The following TTC7B variants were observed in gnomAD, a reference collection of about 807,000 sequenced individuals.
TTC7B encodes tetratricopeptide repeat domain 7B.
A neutral mutation model predicts 106.8 loss-of-function variants in TTC7B; 28 were observed. That is an observed-to-expected ratio of 0.26 (90% confidence interval 0.19 to 0.36). TTC7B has a LOEUF of 0.36. Among genes scored for constraint, TTC7B ranks in the 10% least tolerant of loss-of-function variants. The pLI, the probability that TTC7B is intolerant of heterozygous loss-of-function variation, is 1.00. For synonymous variants in TTC7B, 405 were observed against 430.6 expected (o/e 0.94, Z 0.74); for missense variants, 862 against 1,076.4 (o/e 0.80, Z 2.79).
At position 90,808,155 on chromosome 14, in the gene TTC7B, G is replaced by T. The variant is rs1402084576; in HGVS notation, c.121+8020C>A. 6.6e-6 allele frequency among the ~76,000 whole-genome samples: 1 copy of T among 152,196 alleles called. No individual in the cohort carries two copies. Among genetic ancestry groups the T allele is most frequent in the Non-Finnish European group, 1.5e-5 (1 of 68,032 alleles). On this transcript the variant is annotated intron_variant, in intron 1 of 19. Coordinates refer to ENST00000328459, the MANE Select transcript of TTC7B (RefSeq NM_001010854.2). This position sits in a 1 kb window ranked among gnomAD's most constrained non-coding sequence, Gnocchi z 4.2. The stretch of plus-strand genomic sequence containing the variant: ...TAGCCAGAATCTGGCACACAAGAGA[G>T]ACGCAAGAGGCTGGGCACAGTGGCT...
At chr14:90,655,413 A>G (rs1021069989) in intron 11 of TTC7B, among the ~76,000 whole-genome samples, 3 of 152,194 alleles carry the variant, frequency 2.0e-5, no homozygotes, top group Non-Finnish European at 4.4e-5. Flanking sequence ...GACTGGTTCT[A>G]TAATGAAGTT....
At chr14:90,598,937 C>T (rs568009597) in intron 17 of TTC7B, among the ~76,000 whole-genome samples, 2 of 152,268 alleles carry the variant, frequency 1.3e-5, no homozygotes, top group East Asian at 1.9e-4. Flanking sequence ...CACTTGAGGT[C>T]AGGAGTCTGA....
chr14:90,680,095 A>G (rs959361968), intron 8 of TTC7B, among the ~76,000 whole-genome samples: 1 of 152,222 alleles, frequency 6.6e-6, no homozygotes, highest in Non-Finnish European at 1.5e-5. Context: ...TGAGAGGCTT[A>G]TAAAGGTCAC....
intron 9 of TTC7B, among the ~76,000 whole-genome samples, chr14:90,673,040 G>T (rs1310286936): frequency 2.0e-5 from 3 of 152,156 alleles, no homozygotes; most frequent in Non-Finnish European, 4.4e-5. Flanking sequence ...CAGACCCAGA[G>T]CTCAAACCAA....
In TTC7B at chr14:90,786,148, C is replaced by T. The variant is rs371518642; in HGVS notation, c.276+26G>A. 591 of 1,512,300 alleles carry T rather than the reference C, an allele frequency of 3.9e-4. 2 individuals are homozygous for T. The Middle Eastern group carries it at 7.8e-3, about 20-fold the overall frequency. The allele number at this position is 1,512,300 out of a possible 1,614,324, so 93.7% of individuals were successfully genotyped here. On this transcript the variant is annotated intron_variant, in intron 2 of 19. Coordinates refer to ENST00000328459, the MANE Select transcript of TTC7B (RefSeq NM_001010854.2). ...ACCCCACACTGTCCAAAGGAAGTGTCGCCTCAGCCCAGAGGCCCATGGTAC... is the reference window on the plus strand; with the variant it reads ...ACCCCACACTGTCCAAAGGAAGTGTTGCCTCAGCCCAGAGGCCCATGGTAC...
At chr14:90,698,062 A>T (rs967947815) in intron 5 of TTC7B, 1 of 152,230 alleles carries the variant, frequency 6.6e-6, no homozygotes, top group African/African-American at 2.4e-5. Context: ...ACCACAGATC[A>T]ATCGGACAGC....
chr14:90,802,749 G>A lies in TTC7B; in HGVS notation c.121+13426C>T, dbSNP rs906185599. ...GGGTACTCCCCAGGGACGCTGCTGC[G>A]CAGGTGCAGGCGTGGAGAGGCAGAG... is the stretch of plus-strand genomic sequence containing the variant. On this transcript the variant is annotated intron_variant, in intron 1 of 19. Transcript: ENST00000328459. This position sits in a 1 kb window ranked among gnomAD's most constrained non-coding sequence, Gnocchi z 4.7. Among the ~76,000 whole-genome samples, 7 of 152,136 alleles carry A rather than the reference G, an allele frequency of 4.6e-5. No individual in the cohort carries two copies. The highest frequency in any genetic ancestry group is 7.3e-5 in the Non-Finnish European group (5 of 68,030).
rs1477247307 is a variant in TTC7B at position 90,578,635 on chromosome 14, A to G, written c.2108-327T>C. On this transcript the variant is annotated intron_variant, in intron 18 of 19. Coordinates refer to ENST00000328459, the MANE Select transcript of TTC7B (RefSeq NM_001010854.2). The surrounding 1 kb of genome is among the most constrained non-coding windows in gnomAD (Gnocchi z 4.7). ...CCGGGGCTCCTCAGTGTCTGGACAGAGGCTGGCCCGGTCCAACCCTTGGCT... is the reference window on the plus strand; with the variant it reads ...CCGGGGCTCCTCAGTGTCTGGACAGGGGCTGGCCCGGTCCAACCCTTGGCT... Among the ~76,000 whole-genome samples the G allele has an allele frequency of 6.6e-6, 1 of 151,934 alleles. No homozygotes were observed. Among genetic ancestry groups the G allele is most frequent in the Non-Finnish European group, 1.5e-5 (1 of 67,980 alleles).
rs117136778 is a variant in TTC7B at position 90,633,432 on chromosome 14, G to A, written c.1751+10616C>T. ...TGGCTTTCCTTAGCGGCCATTGTAA[G>A]GCTTGCTGAATGAGAATGCAACCTT... On this transcript the variant is annotated intron_variant, in intron 15 of 19. Transcript: ENST00000328459. Among the ~76,000 whole-genome samples the A allele has an allele frequency of 5.3e-4, 81 of 151,778 alleles. 4 individuals carry two copies. In the East Asian group the frequency reaches 0.011, roughly 21 times the overall value.
chr14:90,761,478 CA>C (rs1890498889), intron 3 of TTC7B, among the ~76,000 whole-genome samples: 1 of 152,246 alleles, frequency 6.6e-6, no homozygotes, highest in Non-Finnish European at 1.5e-5. Context: ...AACAAATCAG[CA>C]GCACCCATTC....
intron 9 of TTC7B, among the ~76,000 whole-genome samples, chr14:90,667,628 C>T (rs553846729): frequency 3.3e-5 from 5 of 152,254 alleles, no homozygotes; most frequent in Non-Finnish European, 5.9e-5. Flanking sequence ...TGTTTTCTCT[C>T]GTTATACCTA....
At position 90,577,687 on chromosome 14, in the gene TTC7B, G is replaced by A. The variant is rs1188514383; in HGVS notation, c.2310+419C>T. The stretch of plus-strand genomic sequence containing the variant: ...TCCCTTAAGGCAAGAGAGTCTCCCA[G>A]TTTGTAAAGTGTTCTGACTGTCATC... On this transcript the variant is annotated intron_variant, in intron 19 of 19. Transcript: ENST00000328459. This position sits in a 1 kb window ranked among gnomAD's most constrained non-coding sequence, Gnocchi z 5.0. 6.6e-6 allele frequency among the ~76,000 whole-genome samples: 1 copy of A among 152,208 alleles called. No individual in the cohort carries two copies. Among genetic ancestry groups the A allele is most frequent in the African/African-American group, 2.4e-5 (1 of 41,448 alleles).
intron 1 of TTC7B, among the ~76,000 whole-genome samples, chr14:90,811,033 C>T (rs988336727): frequency 6.6e-6 from 1 of 152,158 alleles, no homozygotes; most frequent in East Asian, 1.9e-4. Flanking sequence ...AGGCTGAGGA[C>T]GAGCTGCACA....
intron 9 of TTC7B, among the ~76,000 whole-genome samples, chr14:90,670,804 G>C (rs754184857): frequency 1.6e-4 from 24 of 152,164 alleles, no homozygotes; most frequent in Non-Finnish European, 3.1e-4. Context: ...CTGGACCAGA[G>C]CTGGGAACTG....
intron 13 of TTC7B, among the ~76,000 whole-genome samples, chr14:90,649,421 A>G (rs1885618947): frequency 6.6e-6 from 1 of 152,176 alleles, no homozygotes; most frequent in African/African-American, 2.4e-5. Context: ...CCCCTTTGGT[A>G]TGCCACAGGC....
intron 5 of TTC7B, among the ~76,000 whole-genome samples, chr14:90,712,890 C>CTACTATATTACTACT (rs1233964881): frequency 7.2e-5 from 11 of 152,024 alleles, no homozygotes; most frequent in African/African-American, 2.4e-4. Flanking sequence ...CTACTATATT[C>CTACTATATTACTACT]AAGACAGTGT....
chr14:90,782,170 T>C lies in TTC7B; in HGVS notation c.277-1264A>G, dbSNP rs546107584. On this transcript the variant is annotated intron_variant, in intron 2 of 19. Transcript: ENST00000328459. ...GAAGAGGGAGGGACATCAGGCAGCA[T>C]TGGAAAGGATGGTGCAGTGGACAAG... is the stretch of plus-strand genomic sequence containing the variant. Among the ~76,000 whole-genome samples, 7 of 151,898 alleles carry C rather than the reference T, an allele frequency of 4.6e-5. 1 individual carries two copies. In the South Asian group the frequency reaches 8.3e-4, roughly 18 times the overall value.
At chr14:90,650,302 C>T (rs1885659809) in intron 13 of TTC7B, among the ~76,000 whole-genome samples, 1 of 152,188 alleles carries the variant, frequency 6.6e-6, no homozygotes, top group African/African-American at 2.4e-5. Context: ...GTCCTGATTA[C>T]AGGGGCCATG....
chr14:90,690,197 C>T (rs1211115812), intron 6 of TTC7B, among the ~76,000 whole-genome samples: 1 of 152,184 alleles, frequency 6.6e-6, no homozygotes, highest in Admixed American at 6.5e-5. Flanking sequence ...TTACATGTAC[C>T]AATGGCAGGG....
Sources: gnomAD v4.1 joint callset for allele counts (sites outside exome capture counted in the v4.1 genomes callset) on GRCh38, gnomAD v4.1.1 for gene constraint, Gnocchi (gnomAD v3.1) non-coding constraint, MANE v1.5 for transcripts, NCBI Gene and HGNC (gene_info 2026-07-23, HGNC 2026-07-21) for gene names.